FHDC1: variants seen among roughly 807,000 people sequenced by gnomAD.
FHDC1 encodes the protein FH2 domain containing 1.
FHDC1 carries 25 observed loss-of-function variants against 52.6 expected under a neutral mutation model. That is an observed-to-expected ratio of 0.48 (90% CI 0.35 to 0.66). The LOEUF is 0.66. Ranked by LOEUF, FHDC1 falls within the 30% of genes least tolerant of loss-of-function variation. FHDC1 has a pLI of 0.01. For synonymous variants in FHDC1, 616 were observed against 581.5 expected, an observed-to-expected ratio of 1.06 and a Z score of -0.85; for missense variants, 1,459 against 1,452.8, an observed-to-expected ratio of 1.00 and a Z score of -0.07.
chr4:152,969,189 G>A (rs1302451553), intron 10 of FHDC1, among the ~76,000 whole-genome samples: 1 of 152,144 alleles, frequency 6.6e-6, no homozygotes, highest in Admixed American at 6.5e-5. Flanking sequence ...GTGGAATCAT[G>A]TAGCAGGGCT....
the FHDC1 span, among the ~76,000 whole-genome samples, chr4:152,920,153 G>A: frequency 6.6e-6 from 1 of 151,836 alleles, no homozygotes; most frequent in Non-Finnish European, 1.5e-5. Context: ...TCACCATATG[G>A]TCAGGCTAGT....
the FHDC1 span, among the ~76,000 whole-genome samples, chr4:152,916,526 T>A: frequency 6.6e-6 from 1 of 151,864 alleles, no homozygotes; most frequent in Non-Finnish European, 1.5e-5. Context: ...ATATGTGGGG[T>A]TCCATAGTAC....
At chr4:152,955,850 T>G (rs75608233) in intron 4 of FHDC1, among the ~76,000 whole-genome samples, 10,350 of 152,246 alleles carry the variant, frequency 0.068, 608 homozygotes, top group African/African-American at 0.14. Flanking sequence ...GACTTCTCCC[T>G]CCCCTTTCCC....
At chr4:152,935,583 T>A (rs1156985783), upstream of FHDC1, among the ~76,000 whole-genome samples, 1 of 152,208 alleles carries the variant, frequency 6.6e-6, no homozygotes, top group Non-Finnish European at 1.5e-5. Context: ...TACGCTTTAA[T>A]ACAACCTAAA....
At chr4:152,928,063 A>C in the FHDC1 span, 5 of 1,388,658 alleles carry the variant, frequency 3.6e-6, no homozygotes, top group African/African-American at 7.1e-5. Flanking sequence ...CCTCTGCTGC[A>C]GTCTGTATCA....
chr4:152,938,183 G>C (rs937382090), intron 1 of FHDC1, among the ~76,000 whole-genome samples: 21 of 142,684 alleles, frequency 1.5e-4, no homozygotes, highest in African/African-American at 5.4e-4. Flanking sequence ...CCTTTGGCAC[G>C]CATGTGCTTT....
At position 152,976,572 on chromosome 4, in the gene FHDC1, C is replaced by T. The variant is rs1015504947; in HGVS notation, c.3281C>T (p.Ala1094Val). Residue 1094 changes from alanine to valine, a missense_variant, in exon 12 of 12, where the codon GCC becomes GTC. Physicochemically the swap from Ala to Val is moderately conservative, Grantham distance 64 (BLOSUM62 0). Coordinates refer to ENST00000511601, the MANE Select transcript of FHDC1 (RefSeq NM_001371116.1). ...TTGAGGCGAGCCAGCAGTGCCCGGGCCCCCAAGAAGCGCCCAGAGTCTGCG... is the reference window on the plus strand; with the variant it reads ...TTGAGGCGAGCCAGCAGTGCCCGGGTCCCCAAGAAGCGCCCAGAGTCTGCG... The part of the protein sequence containing the change: ...STLRRASSAR[A>V]PKKRPESAEG... The T allele has an allele frequency of 2.5e-6, 4 of 1,612,514 alleles. No homozygotes were observed. The highest frequency in any genetic ancestry group is 3.4e-6 in the Non-Finnish European group (4 of 1,179,572).
In FHDC1 at chr4:152,943,336, G is replaced by C; in HGVS notation, c.279G>C (p.Lys93Asn). ...TGAACGGCTACAGCCACCTTGGTAA[G>C]AAAAAGCGGATGAGAAGCTTTTTTT... is the stretch of plus-strand genomic sequence containing the variant. ...THMNGYSHLG[K>N]KKRMRSFFWK... is the part of the protein sequence containing the mutation. The change falls in exon 2 of 12, where the codon AAG (lysine) becomes AAC (asparagine). Residue 93 changes from lysine to asparagine, a missense_variant. Lys to Asn is a moderately conservative substitution (Grantham distance 94). This residue lies in a region of FHDC1 where 513 missense variants were observed against 581.5 expected (regional missense o/e 0.88). Coordinates refer to ENST00000511601, the MANE Select transcript of FHDC1 (RefSeq NM_001371116.1). 6.3e-7 allele frequency: 1 copy of C among 1,593,026 alleles called. No homozygotes were observed. The highest frequency in any genetic ancestry group is 8.5e-7 in the Non-Finnish European group (1 of 1,170,168).
intron 1 of FHDC1, among the ~76,000 whole-genome samples, chr4:152,941,862 A>G (rs1281055979): frequency 1.3e-5 from 2 of 152,152 alleles, no homozygotes; most frequent in East Asian, 3.8e-4. Flanking sequence ...GATCTGGAGG[A>G]AATAGTCCCC....
At chr4:152,973,903 C>G (rs1740754548) in intron 11 of FHDC1, among the ~76,000 whole-genome samples, 1 of 152,148 alleles carries the variant, frequency 6.6e-6, no homozygotes, top group African/African-American at 2.4e-5. Flanking sequence ...TTCTCTGGAG[C>G]AGGGTGAAGG....
Position 152,975,958 on chromosome 4 carries a change from G to A in FHDC1, c.2667G>A (p.Lys889=). The part of the protein sequence containing the change: ...SARRSQGAVA[K]SVRTLTASEN... The stretch of plus-strand genomic sequence containing the variant: ...GGCGGAGCCAGGGGGCAGTGGCCAA[G>A]TCTGTGCGGACCCTGACCGCCTCAG... Residue 889 remains lysine (K), a synonymous_variant, in exon 12 of 12, where the codon AAG becomes AAA. Coordinates refer to ENST00000511601, the MANE Select transcript of FHDC1 (RefSeq NM_001371116.1). The A allele has an allele frequency of 6.6e-7, 1 of 1,519,284 alleles. No individual in the cohort carries two copies. Among genetic ancestry groups the A allele is most frequent in the Non-Finnish European group, 8.8e-7 (1 of 1,136,408 alleles). The allele number at this position is 1,519,284 out of a possible 1,614,324, so 94.1% of individuals were successfully genotyped here.
At position 152,975,700 on chromosome 4, in the gene FHDC1, A is replaced by G; in HGVS notation, c.2409A>G (p.Glu803=). ...PRGGDPEEGG[E]GDGSMSSGVG... ...GCGGGGACCCGGAGGAAGGCGGGGAAGGGGATGGCTCCATGTCCTCTGGGG... is the reference window on the plus strand; with the variant it reads ...GCGGGGACCCGGAGGAAGGCGGGGAGGGGGATGGCTCCATGTCCTCTGGGG... The change falls in exon 12 of 12, where the codon GAA becomes GAG. Residue 803 remains glutamate, a synonymous_variant. Transcript: ENST00000511601. The G allele has an allele frequency of 6.2e-7, 1 of 1,611,536 alleles. No homozygotes were observed. The highest frequency in any genetic ancestry group is 8.5e-7 in the Non-Finnish European group (1 of 1,178,546).
At chr4:152,911,919 C>T in the FHDC1 span, 1 of 152,484 alleles carries the variant, frequency 6.6e-6, no homozygotes, top group African/African-American at 2.4e-5. Flanking sequence ...TAAATCGTTT[C>T]TCTGGACCTT....
chr4:152,947,679 C>G (rs1354577257), intron 2 of FHDC1, among the ~76,000 whole-genome samples: 1 of 152,132 alleles, frequency 6.6e-6, no homozygotes, highest in African/African-American at 2.4e-5. Flanking sequence ...ATCAACAGAT[C>G]AAAATTGGGG....
rs777550295 is a variant in FHDC1, at chr4:152,968,060, A to T, written c.1181A>T (p.Asp394Val). ...TKSLKENIQR[D>V]GELCQQMEDF... ...TCACTAAAAGAAAACATCCAGCGGGATGGTGAACTTTGTCAGCAGATGGAA... is the reference window on the plus strand; with the variant it reads ...TCACTAAAAGAAAACATCCAGCGGGTTGGTGAACTTTGTCAGCAGATGGAA... The change falls in exon 10 of 12, where the codon GAT becomes GTT. Residue 394 changes from aspartate to valine, a missense_variant. Asp to Val is a radical substitution (Grantham distance 152). Transcript: ENST00000511601. The T allele has an allele frequency of 5.0e-6, 8 of 1,613,880 alleles. No individual in the cohort carries two copies. The African/African-American group carries it at 5.3e-5, about 11-fold the overall frequency.
chr4:152,947,184 ACT>A (rs1005700856), intron 2 of FHDC1, among the ~76,000 whole-genome samples: 13 of 150,638 alleles, frequency 8.6e-5, no homozygotes, highest in African/African-American at 3.2e-4. Flanking sequence ...GCGCCACTGT[ACT>A]CTAGCTTGGG....
intron 7 of FHDC1, 45 bp from the exon 8 acceptor site, chr4:152,962,978 T>TGTGC (rs760371971): frequency 4.5e-6 from 7 of 1,540,458 alleles, no homozygotes; most frequent in Admixed American, 3.4e-5. Context: ...TGTGTGTGTG[T>TGTGC]GTGTATGTAT....
chr4:152,920,090 G>A, the FHDC1 span, among the ~76,000 whole-genome samples: 1 of 151,568 alleles, frequency 6.6e-6, no homozygotes, highest in Non-Finnish European at 1.5e-5. Flanking sequence ...GGGATTACAA[G>A]GTGCCTGCCA....
the FHDC1 span, chr4:152,927,430 G>T: frequency 1.3e-6 from 1 of 789,928 alleles, no homozygotes; most frequent in South Asian, 1.3e-5. Flanking sequence ...CTATAGTGGC[G>T]ATTGGTTGTT....
Sources: gnomAD v4.1 joint callset for allele counts (sites outside exome capture counted in the v4.1 genomes callset) on GRCh38, gnomAD v4.1.1 for gene constraint, gnomAD v4.1.1 regional missense constraint, MANE v1.5 for transcripts, NCBI Gene and HGNC (gene_info 2026-07-23, HGNC 2026-07-21) for gene names.